The following CHD1 variants were observed in gnomAD, a reference collection of about 807,000 sequenced individuals.
CHD1 encodes the protein chromodomain helicase DNA binding protein 1.
In CHD1, 36 loss-of-function variants were observed where a neutral mutation model predicts 224.2. The observed-to-expected ratio is 0.16, with a 90% confidence interval of 0.12 to 0.21. The LOEUF is 0.21. Ranked by LOEUF, CHD1 falls within the 10% of genes least tolerant of loss-of-function variation. The probability of loss-of-function intolerance (pLI) is 1.00; values close to 1 mark genes in which losing one functional copy is unlikely to be tolerated. For synonymous variants in CHD1, 668 were observed against 658.3 expected (o/e 1.01, Z -0.23); for missense variants, 1,378 against 1,994.8 (o/e 0.69, Z 5.89).
At chr5:98,886,822 C>T (rs967193542) in intron 17 of CHD1, among the ~76,000 whole-genome samples, 1 of 151,914 alleles carries the variant, frequency 6.6e-6, no homozygotes, top group East Asian at 1.9e-4. Flanking sequence ...TGTGGCATGA[C>T]CTAAACCAAA....
At chr5:98,871,369 C>CA (rs61406690) in intron 28 of CHD1, among the ~76,000 whole-genome samples, 641 of 46,756 alleles carry the variant, frequency 0.014, 121 homozygotes, top group East Asian at 0.037. Flanking sequence ...CCATTTTAGG[C>CA]AAAAAAAAAA....
In CHD1 at chr5:98,902,869, A is replaced by C. The variant is rs1357264471; in HGVS notation, c.437+31T>G. 1.4e-5 allele frequency: 20 copies of C among 1,385,948 alleles called. 1 individual carries two copies. The highest frequency in any genetic ancestry group is 2.0e-5 in the Non-Finnish European group (20 of 992,698). The allele number at this position is 1,385,948 out of a possible 1,614,324, so 85.9% of individuals were successfully genotyped here. ...ATGAAATAATCAGGATTTTTCTAAA[A>C]TGAAGTAGTCAGTTGAACAAAATGA... On this transcript the variant is annotated intron_variant, in intron 5 of 35. Transcript: ENST00000614616.
chr5:98,919,054 T>C (rs944691549), intron 2 of CHD1, among the ~76,000 whole-genome samples: 2 of 152,208 alleles, frequency 1.3e-5, no homozygotes, highest in African/African-American at 4.8e-5. Flanking sequence ...AGTTAATGTA[T>C]AACTTTACAA....
At chr5:98,905,278 AATTT>A (rs1283152728) in intron 2 of CHD1, among the ~76,000 whole-genome samples, 180 bp from the exon 3 acceptor site, 3 of 152,200 alleles carry the variant, frequency 2.0e-5, no homozygotes, top group East Asian at 1.9e-4. Context: ...CATAGTTGAT[AATTT>A]ATTTATACGT....
chr5:98,861,291 C>A (rs1019692142), intron 32 of CHD1, among the ~76,000 whole-genome samples: 2 of 152,112 alleles, frequency 1.3e-5, no homozygotes, highest in African/African-American at 2.4e-5. Context: ...TTAAAAGGAT[C>A]AGCTAGAATG....
chr5:98,899,452 A>T, intron 8 of CHD1, 28 bp downstream of exon 8: 1 of 1,333,228 alleles, frequency 7.5e-7, no homozygotes, highest in Non-Finnish European at 1.1e-6. Context: ...AACTATTAAA[A>T]GAAGTATATG....
chr5:98,893,593 C>G lies in CHD1; in HGVS notation c.1814G>C (p.Gly605Ala). The change falls in exon 14 of 36, where the codon GGT (glycine) becomes GCT (alanine). Residue 605 changes from glycine (G) to alanine (A), a missense_variant. Coordinates refer to ENST00000614616, the MANE Select transcript of CHD1 (RefSeq NM_001270.4). ...AACACCTATAAATGCCCAATTTAGA[C>G]CTCCAAGGAATGCCTTAAAATAATA... ...ILLKDKAFLGGLNWAFIGVDE... is the reference protein window; with the variant it reads ...ILLKDKAFLGALNWAFIGVDE... The G allele has an allele frequency of 6.3e-7, 1 of 1,589,964 alleles. No homozygotes were observed. Among genetic ancestry groups the G allele is most frequent in the Non-Finnish European group, 8.5e-7 (1 of 1,169,630 alleles).
chr5:98,913,915 G>C (rs1294286198), intron 2 of CHD1, among the ~76,000 whole-genome samples: 1 of 152,056 alleles, frequency 6.6e-6, no homozygotes, highest in African/African-American at 2.4e-5. Context: ...CTTATGATGA[G>C]AGTAGTAGTT....
intron 18 of CHD1, among the ~76,000 whole-genome samples, chr5:98,884,890 T>TA (rs1289779034): frequency 6.6e-6 from 1 of 151,924 alleles, no homozygotes; most frequent in African/African-American, 2.4e-5. Flanking sequence ...TTATTTTTTT[T>TA]ACTTTTTATT....
At chr5:98,892,775 G>T in intron 14 of CHD1, 62 bp from the exon 15 acceptor site, 1 of 1,157,744 alleles carries the variant, frequency 8.6e-7, no homozygotes, top group Non-Finnish European at 1.2e-6. Context: ...TGTTGTGTAT[G>T]AACTTTTTTT....
chr5:98,885,422 T>C (rs1750582865), intron 18 of CHD1, among the ~76,000 whole-genome samples, 156 bp downstream of exon 18: 1 of 152,174 alleles, frequency 6.6e-6, no homozygotes. Context: ...TAAACTAGAA[T>C]AGTGACTTTA....
At chr5:98,888,281 A>T in intron 16 of CHD1, 41 bp from the exon 17 acceptor site, 1 of 1,451,784 alleles carries the variant, frequency 6.9e-7, no homozygotes, top group Non-Finnish European at 9.4e-7. Context: ...AAAAGACATA[A>T]ATGGTAAGTT....
At chr5:98,893,715 C>A in intron 13 of CHD1, 109 bp from the exon 14 acceptor site, 1 of 706,184 alleles carries the variant, frequency 1.4e-6, no homozygotes. Context: ...TAAAAACAAA[C>A]TTTGTCTAAT....
chr5:98,904,831 C>A, intron 3 of CHD1, 66 bp downstream of exon 3: 2 of 1,373,074 alleles, frequency 1.5e-6, no homozygotes, highest in South Asian at 2.3e-5. Context: ...TGGTATAAAC[C>A]AATCCTCTAA....
rs1747883142 is a variant in CHD1 at position 98,854,463 on chromosome 5, T to C, written c.*1917A>G. Reference sequence around the variant, plus strand: ...GCTATCTTGTGGAATAAAATAGTCATACTAAATGTAGAGAAAAGTGATAAA... The same window carrying C: ...GCTATCTTGTGGAATAAAATAGTCACACTAAATGTAGAGAAAAGTGATAAA... On this transcript the variant is annotated 3_prime_UTR_variant, in exon 36 of 36. Transcript: ENST00000614616. 1 of 152,122 alleles carries C rather than the reference T, an allele frequency of 6.6e-6. No homozygotes were observed. Among genetic ancestry groups the C allele is most frequent in the South Asian group, 2.1e-4 (1 of 4,834 alleles). 9.4% of individuals were successfully genotyped at this position (152,122 alleles called of 1,614,324 possible).
intron 2 of CHD1, among the ~76,000 whole-genome samples, chr5:98,914,147 G>A (rs1170731800): frequency 6.6e-6 from 1 of 152,172 alleles, no homozygotes; most frequent in Non-Finnish European, 1.5e-5. Context: ...TGATGGTGAT[G>A]TGTGATTTCT....
chr5:98,868,384 A>T, intron 31 of CHD1, 111 bp downstream of exon 31: 4 of 772,000 alleles, frequency 5.2e-6, no homozygotes, highest in Admixed American at 3.4e-5. Context: ...CATTGCTTTT[A>T]TCAATCTACA....
chr5:98,860,130 A>C (rs1748351981), intron 32 of CHD1, 62 bp from the exon 33 acceptor site: 1 of 874,886 alleles, frequency 1.1e-6, no homozygotes. Context: ...AGTTTTTTTC[A>C]TGGAACTCCT....
In CHD1 at chr5:98,920,912, A is replaced by C. The variant is rs922981519; in HGVS notation, c.53+5422T>G. ...ACTAAGGAAAGACTTAGAAACTCTCACAGATGAAAGGAGACTGGGGAGACG... is the reference window on the plus strand; with the variant it reads ...ACTAAGGAAAGACTTAGAAACTCTCCCAGATGAAAGGAGACTGGGGAGACG... On this transcript the variant is annotated intron_variant, in intron 2 of 35. Coordinates refer to ENST00000614616, the MANE Select transcript of CHD1 (RefSeq NM_001270.4). Among the ~76,000 whole-genome samples, 7 of 152,170 alleles carry C rather than the reference A, an allele frequency of 4.6e-5. No individual in the cohort carries two copies. In the South Asian group the frequency reaches 1.4e-3, roughly 31 times the overall value.
Sources: allele counts gnomAD v4.1 joint callset (sites outside exome capture counted in the v4.1 genomes callset), GRCh38; gene constraint gnomAD v4.1.1; transcripts MANE v1.5; gene names NCBI Gene and HGNC (gene_info 2026-07-23, HGNC 2026-07-21).